Variants in HMGCLL1 observed in about 807,000 individuals in gnomAD.
HMGCLL1 encodes the protein 3-hydroxymethyl-3-methylglutaryl-CoA lyase, cytoplasmic.
HMGCLL1 carries 36 observed loss-of-function variants against 39.1 expected under a neutral mutation model. The ratio of observed to expected loss-of-function variants is 0.92; its 90% CI spans 0.71 to 1.22. The LOEUF (loss-of-function observed/expected upper bound fraction) is 1.22. Ranked by LOEUF, HMGCLL1 falls within the 50% of genes most tolerant of loss-of-function variation. The pLI is 0.00. For synonymous variants in HMGCLL1, 149 were observed against 144.0 expected (o/e 1.03, Z -0.25); for missense variants, 451 against 416.5 (o/e 1.08, Z -0.72).
the HMGCLL1 span, among the ~76,000 whole-genome samples, chr6:55,614,048 AT>A: frequency 6.6e-6 from 1 of 152,090 alleles, no homozygotes; most frequent in African/African-American, 2.4e-5. Flanking sequence ...TTTTAATGTC[AT>A]TTTTTCTAAA....
chr6:55,532,827 T>A (rs1325244221), intron 3 of HMGCLL1, among the ~76,000 whole-genome samples: 24 of 146,154 alleles, frequency 1.6e-4, no homozygotes, highest in Admixed American at 2.7e-4. Flanking sequence ...ATAATAATAA[T>A]AATAATAATA....
chr6:55,627,481 A>G, the HMGCLL1 span, among the ~76,000 whole-genome samples: 2 of 151,980 alleles, frequency 1.3e-5, no homozygotes, highest in African/African-American at 4.8e-5. Flanking sequence ...GTATGGGTTC[A>G]CATTGACAAG....
the HMGCLL1 span, among the ~76,000 whole-genome samples, chr6:55,586,035 A>G: frequency 3.3e-5 from 5 of 152,130 alleles, no homozygotes; most frequent in Non-Finnish European, 7.4e-5. Flanking sequence ...TGTGAATTGA[A>G]TAATTAATGC....
At chr6:55,485,259 C>T (rs1229133062) in intron 7 of HMGCLL1, among the ~76,000 whole-genome samples, 1 of 151,984 alleles carries the variant, frequency 6.6e-6, no homozygotes, top group Admixed American at 6.6e-5. Context: ...TTTTGCATAG[C>T]TTTTATCGCC....
intron 7 of HMGCLL1, among the ~76,000 whole-genome samples, chr6:55,493,265 T>A (rs1462154645): frequency 3.9e-5 from 6 of 152,134 alleles, no homozygotes; most frequent in Admixed American, 6.5e-5. Context: ...CTATTTCTCC[T>A]CCACTCATAG....
chr6:55,586,859 T>A, the HMGCLL1 span, among the ~76,000 whole-genome samples: 1 of 152,098 alleles, frequency 6.6e-6, no homozygotes. Flanking sequence ...TAAACATATG[T>A]GTGCATGTGT....
chr6:55,616,150 C>G, the HMGCLL1 span, among the ~76,000 whole-genome samples: 1 of 152,046 alleles, frequency 6.6e-6, no homozygotes, highest in Non-Finnish European at 1.5e-5. Flanking sequence ...GAAGATCTTC[C>G]CATTAAGACT....
intron 1 of HMGCLL1, among the ~76,000 whole-genome samples, chr6:55,550,588 T>C (rs1770274529): frequency 6.6e-6 from 1 of 151,964 alleles, no homozygotes; most frequent in African/African-American, 2.4e-5. Flanking sequence ...CTAAGAAAAT[T>C]AGTGCCAGGA....
chr6:55,535,655 G>A (rs1230672101), intron 3 of HMGCLL1, among the ~76,000 whole-genome samples: 1 of 152,090 alleles, frequency 6.6e-6, no homozygotes, highest in East Asian at 1.9e-4. Flanking sequence ...TCTGGGTAAA[G>A]GACTCCTATA....
rs936914324 is a variant in HMGCLL1, at chr6:55,542,210, A to T, written c.109-70T>A. 6 of 943,648 alleles carry T rather than the reference A, an allele frequency of 6.4e-6. No individual in the cohort carries two copies. The African/African-American group carries it at 8.3e-5, about 13-fold the overall frequency. The allele number at this position is 943,648 out of a possible 1,614,324, so 58.5% of individuals were successfully genotyped here. A position where few individuals can be genotyped will look rare whatever the true frequency, so the allele number is the denominator to read the frequency against. Reference sequence around the variant, plus strand: ...GTTACATTTGCTTATTTGAAAAGTTAAACAACTGCACTTTGTTATACTCTT... The same window carrying T: ...GTTACATTTGCTTATTTGAAAAGTTTAACAACTGCACTTTGTTATACTCTT... On this transcript the variant is annotated intron_variant, in intron 1 of 8. Coordinates refer to ENST00000274901, the MANE Select transcript of HMGCLL1 (RefSeq NM_001042406.2).
the HMGCLL1 span, among the ~76,000 whole-genome samples, chr6:55,618,597 A>G: frequency 2.6e-5 from 4 of 152,080 alleles, no homozygotes; most frequent in Non-Finnish European, 5.9e-5. Context: ...CACAGGTACT[A>G]TGATTTGTAA....
the HMGCLL1 span, among the ~76,000 whole-genome samples, chr6:55,645,409 C>T: frequency 3.8e-4 from 57 of 151,880 alleles, no homozygotes; most frequent in Non-Finnish European, 6.9e-4. Flanking sequence ...TGTCTGATTG[C>T]TCTAGCTAAG....
intron 1 of HMGCLL1, among the ~76,000 whole-genome samples, chr6:55,559,363 A>G (rs1770825178): frequency 6.6e-6 from 1 of 152,220 alleles, no homozygotes; most frequent in African/African-American, 2.4e-5. Flanking sequence ...GGTTAAGTCT[A>G]TCTGGCAGAG....
At chr6:55,547,076 A>G (rs960374243) in intron 1 of HMGCLL1, among the ~76,000 whole-genome samples, 3 of 152,044 alleles carry the variant, frequency 2.0e-5, no homozygotes, top group Admixed American at 6.6e-5. Flanking sequence ...CCTGAAAGAG[A>G]TTAAATGACT....
intron 1 of HMGCLL1, chr6:55,566,587 C>A: frequency 2.2e-6 from 1 of 456,014 alleles, no homozygotes; most frequent in Non-Finnish European, 4.4e-6. Flanking sequence ...CTGCTTAACC[C>A]TGAGGGGATC....
intron 1 of HMGCLL1, among the ~76,000 whole-genome samples, chr6:55,545,821 G>C (rs1051928948): frequency 3.9e-5 from 6 of 152,182 alleles, no homozygotes; most frequent in Admixed American, 2.6e-4. Context: ...TACAGAGATA[G>C]TAATGCTCAG....
the HMGCLL1 span, among the ~76,000 whole-genome samples, chr6:55,587,617 A>T: frequency 2.6e-5 from 4 of 152,032 alleles, no homozygotes; most frequent in East Asian, 5.8e-4. Context: ...GCAAATAGGA[A>T]AAAGAGTCAA....
At chr6:55,591,256 G>A in the HMGCLL1 span, among the ~76,000 whole-genome samples, 2 of 151,870 alleles carry the variant, frequency 1.3e-5, no homozygotes, top group South Asian at 4.1e-4. Context: ...TAAATATGAA[G>A]CCCAAGAATG....
At position 55,541,738 on chromosome 6, in the gene HMGCLL1, C is replaced by T. The variant is rs964732818; in HGVS notation, c.288G>A (p.Trp96Ter). 4.5e-6 allele frequency: 7 copies of T among 1,566,840 alleles called. No homozygotes were observed. In the Admixed American group the frequency reaches 5.5e-5, roughly 12 times the overall value. The change falls in exon 3 of 9, where the codon TGG becomes TGA. Residue 96 changes from tryptophan to a stop codon, truncating the protein, a stop_gained. Coordinates refer to ENST00000274901, the MANE Select transcript of HMGCLL1 (RefSeq NM_001042406.2). LOFTEE classifies it high-confidence loss of function. ...TTGTGGGTTTACATACCTGTGGTAC[C>T]CATCTGGAAGACACAAAGCTAGTCA... ...IEVTSFVSSR[W>*]VPQMADHTEV... is the part of the protein sequence containing the mutation.
Sources: gnomAD v4.1 joint callset for allele counts (sites outside exome capture counted in the v4.1 genomes callset) on GRCh38, gnomAD v4.1.1 for gene constraint, MANE v1.5 for transcripts, NCBI Gene and HGNC (gene_info 2026-07-23, HGNC 2026-07-21) for gene names.